The following SLIT2 variants were observed in gnomAD, a reference collection of about 807,000 sequenced individuals.
The protein encoded by SLIT2 is slit guidance ligand 2, also known as slit homolog 2 protein.
Under a neutral mutation model 185.7 loss-of-function variants are expected in SLIT2, and 41 were observed. The ratio of observed to expected loss-of-function variants is 0.22; its 90% confidence interval spans 0.17 to 0.29. The LOEUF is 0.29. SLIT2 is among the 10% of genes least tolerant of loss of function. The pLI, the probability that SLIT2 is intolerant of heterozygous loss-of-function variation, is 1.00. For missense variants in SLIT2, 1,571 were observed against 1,909.0 expected (o/e 0.82, Z 3.30); for synonymous variants, 693 against 680.2 (o/e 1.02, Z -0.29).
intron 4 of SLIT2, among the ~76,000 whole-genome samples, chr4:20,365,331 C>T (rs1404017954): frequency 2.6e-5 from 4 of 152,076 alleles, no homozygotes; most frequent in Admixed American, 2.0e-4. Context: ...AGTGTAACTC[C>T]TCAGGGATGC....
At chr4:20,449,890 T>C (rs1201130224) in intron 4 of SLIT2, among the ~76,000 whole-genome samples, 1 of 152,016 alleles carries the variant, frequency 6.6e-6, no homozygotes, top group Non-Finnish European at 1.5e-5. Flanking sequence ...ATTCGATTTA[T>C]AACAGTTGCA....
chr4:20,465,191 C>G (rs896945818), intron 4 of SLIT2, among the ~76,000 whole-genome samples: 64 of 152,268 alleles, frequency 4.2e-4, no homozygotes, highest in African/African-American at 1.4e-3. Context: ...ATCCCTAAAT[C>G]TTGGCTAAAT....
At chr4:20,382,312 C>G (rs1293195749) in intron 4 of SLIT2, among the ~76,000 whole-genome samples, 1 of 152,042 alleles carries the variant, frequency 6.6e-6, no homozygotes, top group Admixed American at 6.6e-5. Flanking sequence ...GATGTGCACT[C>G]CTATCTAGCA....
intron 26 of SLIT2, among the ~76,000 whole-genome samples, chr4:20,563,748 T>A (rs977779641): frequency 2.0e-5 from 3 of 151,826 alleles, no homozygotes; most frequent in African/African-American, 7.3e-5. Flanking sequence ...CTTTTCTCCT[T>A]TTAAATAAAA....
chr4:20,408,328 A>G (rs1435528427), intron 4 of SLIT2, among the ~76,000 whole-genome samples: 1 of 152,178 alleles, frequency 6.6e-6, no homozygotes, highest in Non-Finnish European at 1.5e-5. Context: ...CCACCAGAAG[A>G]ATGTAAACCA....
intron 30 of SLIT2, among the ~76,000 whole-genome samples, chr4:20,592,879 A>G (rs535308608): frequency 1.3e-5 from 2 of 152,306 alleles, no homozygotes; most frequent in Non-Finnish European, 2.9e-5. Flanking sequence ...AAGCATGCTT[A>G]TGCAGTGAGC....
In SLIT2 at chr4:20,528,954, G is replaced by A; in HGVS notation, c.1468G>A (p.Glu490Lys). ...AKEQYFIPGT[E>K]DYRSKLSGDC... is the part of the protein sequence containing the mutation. ...TTGGTTTGAATTCTCAATAGGTACAGAAGATTATCGATCAAAATTAAGTGG... is the reference window on the plus strand; with the variant it reads ...TTGGTTTGAATTCTCAATAGGTACAAAAGATTATCGATCAAAATTAAGTGG... The change falls in exon 16 of 37, where the codon GAA becomes AAA. Residue 490 changes from glutamate (E) to lysine (K), a missense_variant. Glu to Lys is a moderately conservative substitution (Grantham distance 56). Coordinates refer to ENST00000504154, the MANE Select transcript of SLIT2 (RefSeq NM_004787.4). This position sits in a 1 kb window ranked among gnomAD's most constrained non-coding sequence, Gnocchi z 4.2. 1 of 1,613,576 alleles carries A rather than the reference G, an allele frequency of 6.2e-7. No individual in the cohort carries two copies. The highest frequency in any genetic ancestry group is 8.5e-7 in the Non-Finnish European group (1 of 1,179,656).
At chr4:20,355,444 T>C (rs1333315501) in intron 4 of SLIT2, among the ~76,000 whole-genome samples, 4 of 152,234 alleles carry the variant, frequency 2.6e-5, no homozygotes, top group African/African-American at 9.6e-5. Flanking sequence ...ATTACTCACA[T>C]TTCCATTAGT....
intron 3 of SLIT2, among the ~76,000 whole-genome samples, chr4:20,262,258 A>G (rs1322106594): frequency 6.6e-6 from 1 of 151,810 alleles, no homozygotes; most frequent in Non-Finnish European, 1.5e-5. Context: ...CTCCCTGCAT[A>G]CACATATCAC....
At position 20,548,514 on chromosome 4, in the gene SLIT2, C is replaced by A; in HGVS notation, c.2372C>A (p.Thr791Lys). ...GACTTAAGTAACAACAGAATAAGCACGCTTTCTAATCAGAGCTTCAGCAAC... is the reference window on the plus strand; with the variant it reads ...GACTTAAGTAACAACAGAATAAGCAAGCTTTCTAATCAGAGCTTCAGCAAC... ...LIDLSNNRIS[T>K]LSNQSFSNMT... is the part of the protein sequence containing the mutation. Residue 791 changes from threonine (T) to lysine (K), a missense_variant, in exon 23 of 37, where the codon ACG (threonine) becomes AAG (lysine). Transcript: ENST00000504154. 2 of 1,604,622 alleles carry A rather than the reference C, an allele frequency of 1.2e-6. No homozygotes were observed. Among genetic ancestry groups the A allele is most frequent in the Non-Finnish European group, 1.7e-6 (2 of 1,171,660 alleles).
intron 33 of SLIT2, among the ~76,000 whole-genome samples, chr4:20,605,207 A>G (rs1728697345): frequency 6.6e-6 from 1 of 152,184 alleles, no homozygotes; most frequent in South Asian, 2.1e-4. Context: ...AAACTACAGA[A>G]ATACATTATG....
chr4:20,463,485 A>G lies in SLIT2; in HGVS notation c.396-4267A>G, dbSNP rs868425441. Among the ~76,000 whole-genome samples, 93 of 92,792 alleles carry G rather than the reference A, an allele frequency of 1.0e-3. 1 individual carries two copies. Among genetic ancestry groups the G allele is most frequent in the African/African-American group, 3.9e-3 (84 of 21,580 alleles). 60.9% of individuals were successfully genotyped at this position (92,792 alleles called of 152,430 possible). ...TATATATATATATATATATATATAT[A>G]TATATATGTGTGTGTGCGTATATCC... On this transcript the variant is annotated intron_variant, in intron 4 of 36. Coordinates refer to ENST00000504154, the MANE Select transcript of SLIT2 (RefSeq NM_004787.4).
At chr4:20,361,068 A>G (rs898255199) in intron 4 of SLIT2, among the ~76,000 whole-genome samples, 1 of 152,148 alleles carries the variant, frequency 6.6e-6, no homozygotes, top group Non-Finnish European at 1.5e-5. Context: ...TATTTCATTT[A>G]CCTTGCAGGA....
intron 4 of SLIT2, among the ~76,000 whole-genome samples, chr4:20,461,206 G>A (rs1419454944): frequency 2.0e-5 from 3 of 152,110 alleles, no homozygotes; most frequent in African/African-American, 7.2e-5. Flanking sequence ...AAAAGAAAAT[G>A]TGCAAAAGCT....
chr4:20,484,203 C>T lies in SLIT2; in HGVS notation c.540-1997C>T, dbSNP rs1188108759. Among the ~76,000 whole-genome samples the T allele has an allele frequency of 6.6e-6, 1 of 152,008 alleles. No individual in the cohort carries two copies. Among genetic ancestry groups the T allele is most frequent in the Admixed American group, 6.6e-5 (1 of 15,228 alleles). On this transcript the variant is annotated intron_variant, in intron 6 of 36. Coordinates refer to ENST00000504154, the MANE Select transcript of SLIT2 (RefSeq NM_004787.4). This position sits in a 1 kb window ranked among gnomAD's most constrained non-coding sequence, Gnocchi z 4.3. ...ACAATTTATTCCCAAAGTCATATTT[C>T]AGAATGCTATATACTATAAAGATTT... is the stretch of plus-strand genomic sequence containing the variant.
intron 4 of SLIT2, among the ~76,000 whole-genome samples, chr4:20,331,974 A>G (rs1720100778): frequency 6.6e-6 from 1 of 152,186 alleles, no homozygotes. Flanking sequence ...TTTACTGCAG[A>G]ATAATATTTC....
chr4:20,604,569 C>T (rs1248191508), intron 33 of SLIT2, among the ~76,000 whole-genome samples: 3 of 152,030 alleles, frequency 2.0e-5, no homozygotes, highest in Non-Finnish European at 2.9e-5. Context: ...GGATGGTCTC[C>T]ATTTCCTGAC....
intron 21 of SLIT2, 149 bp downstream of exon 21, chr4:20,542,775 G>T: frequency 2.7e-6 from 2 of 752,930 alleles, no homozygotes; most frequent in Non-Finnish European, 4.1e-6. Flanking sequence ...TGGTAAATAA[G>T]TAATGCAAAA....
chr4:20,303,916 G>C (rs555691557), intron 4 of SLIT2, among the ~76,000 whole-genome samples: 16 of 152,208 alleles, frequency 1.1e-4, no homozygotes, highest in East Asian at 5.8e-4. Flanking sequence ...ACCTTGGAAG[G>C]CTGGTCTATG....
Sources: gnomAD v4.1 joint callset for allele counts (sites outside exome capture counted in the v4.1 genomes callset) on GRCh38, gnomAD v4.1.1 for gene constraint, Gnocchi (gnomAD v3.1) non-coding constraint, MANE v1.5 for transcripts, NCBI Gene and HGNC (gene_info 2026-07-23, HGNC 2026-07-21) for gene names.